NT5C2: variants seen among roughly 807,000 people sequenced by gnomAD.
NT5C2 encodes cytosolic purine 5'-nucleotidase.
A neutral mutation model predicts 76.1 loss-of-function variants in NT5C2; 58 were observed. The ratio of observed to expected loss-of-function variants is 0.76; its 90% confidence interval spans 0.62 to 0.95. The LOEUF is 0.95. Ranked by LOEUF, NT5C2 falls within the 40% of genes least tolerant of loss-of-function variation. NT5C2 has a pLI of 0.00. For missense variants in NT5C2, 478 were observed against 690.3 expected, an observed-to-expected ratio of 0.69 and a Z score of 3.45; for synonymous variants, 229 against 237.4, an observed-to-expected ratio of 0.96 and a Z score of 0.32.
chr10:103,128,200 C>G lies in NT5C2; in HGVS notation c.175+11206G>C, dbSNP rs1033139713. Among the ~76,000 whole-genome samples the G allele has an allele frequency of 6.0e-3, 892 of 147,482 alleles. 9 individuals carry two copies. Among genetic ancestry groups the G allele is most frequent in the Non-Finnish European group, 6.7e-3 (444 of 66,246 alleles). ...GCCTGATTCTCCTGCCTCAGCCTGC[C>G]GAGTGCCTGCCATTGCAGGCACGCG... On this transcript the variant is annotated intron_variant, in intron 4 of 18. Coordinates refer to ENST00000404739, the MANE Select transcript of NT5C2 (RefSeq NM_001351169.2).
chr10:103,172,869 G>A (rs2088591570), intron 3 of NT5C2, among the ~76,000 whole-genome samples: 1 of 152,002 alleles, frequency 6.6e-6, no homozygotes, highest in Non-Finnish European at 1.5e-5. Flanking sequence ...AATTAGTCAG[G>A]TGCAGTGGCC....
rs575573486 is a variant in NT5C2 at position 103,089,992 on chromosome 10, G to A, written c.1450-84C>T. 479 of 1,104,772 alleles carry A rather than the reference G, an allele frequency of 4.3e-4. No individual in the cohort carries two copies. The highest frequency in any genetic ancestry group is 1.0e-3 in the African/African-American group (66 of 63,808). The allele number at this position is 1,104,772 out of a possible 1,614,324, so 68.4% of individuals were successfully genotyped here. On this transcript the variant is annotated intron_variant, in intron 18 of 18. Transcript: ENST00000404739. The stretch of plus-strand genomic sequence containing the variant: ...AATCCTAACCCCTCTCCTCTGTTAG[G>A]TGGCCATGCAATTACATCTATAATG...
chr10:103,141,371 T>A (rs982499370), intron 3 of NT5C2, among the ~76,000 whole-genome samples: 1 of 152,104 alleles, frequency 6.6e-6, no homozygotes, highest in Non-Finnish European at 1.5e-5. Flanking sequence ...GGTAGGAGGA[T>A]TGCTTGAGTC....
At chr10:103,119,204 T>C (rs1012848503) in intron 4 of NT5C2, among the ~76,000 whole-genome samples, 1 of 152,066 alleles carries the variant, frequency 6.6e-6, no homozygotes. Context: ...ACCCCATCTC[T>C]ACTAAAAATA....
intron 4 of NT5C2, among the ~76,000 whole-genome samples, chr10:103,119,519 G>A (rs1303376769): frequency 2.6e-5 from 4 of 152,218 alleles, no homozygotes; most frequent in African/African-American, 9.6e-5. Context: ...GTTGTGAGGA[G>A]GATGCCCTGA....
intron 3 of NT5C2, among the ~76,000 whole-genome samples, chr10:103,170,496 T>TAC (rs772215318): frequency 3.3e-5 from 5 of 150,578 alleles, no homozygotes; most frequent in Non-Finnish European, 5.9e-5. Flanking sequence ...CAGGCTATGA[T>TAC]ACACACACAC....
intron 4 of NT5C2, among the ~76,000 whole-genome samples, chr10:103,138,397 G>A (rs1031045103): frequency 3.3e-5 from 5 of 152,244 alleles, no homozygotes; most frequent in South Asian, 2.1e-4. Context: ...CCCTGCATGC[G>A]TTAGGTATTT....
intron 3 of NT5C2, among the ~76,000 whole-genome samples, chr10:103,154,080 TG>T (rs2082871540): frequency 6.6e-6 from 1 of 152,034 alleles, no homozygotes; most frequent in South Asian, 2.1e-4. Flanking sequence ...AACTGAGCTT[TG>T]AAAAAAAAGA....
At chr10:103,109,605 T>C (rs2072389252) in intron 4 of NT5C2, among the ~76,000 whole-genome samples, 2 of 152,200 alleles carry the variant, frequency 1.3e-5, no homozygotes, top group African/African-American at 4.8e-5. Context: ...TATAAAATGT[T>C]TTCAATTGTT....
intron 16 of NT5C2, among the ~76,000 whole-genome samples, chr10:103,091,294 C>A (rs2066792406): frequency 6.6e-6 from 1 of 152,122 alleles, no homozygotes; most frequent in South Asian, 2.1e-4. Flanking sequence ...CCTGCCTTGG[C>A]CTCCCAAAGT....
chr10:103,093,379 C>G, intron 14 of NT5C2, 70 bp from the exon 15 acceptor site: 12 of 1,228,884 alleles, frequency 9.8e-6, no homozygotes, highest in Non-Finnish European at 1.3e-5. Context: ...AGTATTTAAC[C>G]ATTAAATACT....
intron 5 of NT5C2, 28 bp from the exon 6 acceptor site, chr10:103,105,829 A>G (rs1248034627): frequency 6.3e-6 from 9 of 1,428,600 alleles, no homozygotes; most frequent in Non-Finnish European, 7.9e-6. Context: ...CATTATTGAT[A>G]ATGCAAAGTA....
In NT5C2 at chr10:103,127,085, T is replaced by C. The variant is rs145762021; in HGVS notation, c.175+12321A>G. ...TCAGCCAGTGGGGAGAGTTGAGGTTTTCGATTGCATGGGAGCCAGTGCCTT... is the reference window on the plus strand; with the variant it reads ...TCAGCCAGTGGGGAGAGTTGAGGTTCTCGATTGCATGGGAGCCAGTGCCTT... On this transcript the variant is annotated intron_variant, in intron 4 of 18. Transcript: ENST00000404739. Among the ~76,000 whole-genome samples the C allele has an allele frequency of 2.4e-3, 370 of 152,258 alleles. 2 individuals carry two copies. The highest frequency in any genetic ancestry group is 8.4e-3 in the African/African-American group (347 of 41,542).
At chr10:103,128,678 C>T (rs1436442177) in intron 4 of NT5C2, among the ~76,000 whole-genome samples, 13 of 39,450 alleles carry the variant, frequency 3.3e-4, no homozygotes, top group African/African-American at 1.3e-3. Context: ...TCTGCCCGGC[C>T]GCCCATCGTC....
intron 3 of NT5C2, among the ~76,000 whole-genome samples, chr10:103,148,603 CAAAA>C (rs61288291): frequency 1.7e-5 from 2 of 120,162 alleles, no homozygotes; most frequent in Non-Finnish European, 3.6e-5. Context: ...GACTCCGTCT[CAAAA>C]AAAAAAAAAA....
chr10:103,126,346 G>A (rs948589035), intron 4 of NT5C2, among the ~76,000 whole-genome samples: 7 of 152,144 alleles, frequency 4.6e-5, no homozygotes, highest in Non-Finnish European at 8.8e-5. Context: ...ATAGTTGGCC[G>A]GATGCAGTGG....
At position 103,106,685 on chromosome 10, in the gene NT5C2, T is replaced by G; in HGVS notation, c.197A>C (p.Glu66Ala). The G allele has an allele frequency of 6.2e-7, 1 of 1,611,820 alleles. No individual in the cohort carries two copies. The highest frequency in any genetic ancestry group is 8.5e-7 in the Non-Finnish European group (1 of 1,177,946). ...TLAVYKSPEYESLGFELTVER... is the reference protein window; with the variant it reads ...TLAVYKSPEYASLGFELTVER... ...CACAGTAAGCTCAAAACCAAGGGACTCATACTCTGGGGACTTGTACACTGC... is the reference window on the plus strand; with the variant it reads ...CACAGTAAGCTCAAAACCAAGGGACGCATACTCTGGGGACTTGTACACTGC... The change falls in exon 5 of 19, where the codon GAG (glutamate) becomes GCG (alanine). Residue 66 changes from glutamate (E) to alanine (A), a missense_variant. Coordinates refer to ENST00000404739, the MANE Select transcript of NT5C2 (RefSeq NM_001351169.2).
chr10:103,118,871 C>G (rs1339047348), intron 4 of NT5C2, among the ~76,000 whole-genome samples: 2 of 151,244 alleles, frequency 1.3e-5, no homozygotes, highest in East Asian at 1.9e-4. Context: ...ATCTGTTACC[C>G]TAGTTTAAAT....
intron 4 of NT5C2, among the ~76,000 whole-genome samples, chr10:103,133,273 C>CT (rs149128194): frequency 2.0e-4 from 30 of 148,908 alleles, no homozygotes; most frequent in South Asian, 2.1e-4. Flanking sequence ...GTCCATTAAA[C>CT]TTTTTTTTTT....
Sources: gnomAD v4.1 joint callset for allele counts (sites outside exome capture counted in the v4.1 genomes callset) on GRCh38, gnomAD v4.1.1 for gene constraint, MANE v1.5 for transcripts, NCBI Gene and HGNC (gene_info 2026-07-23, HGNC 2026-07-21) for gene names.